NFIA: variants seen among roughly 807,000 people sequenced by gnomAD.
The protein encoded by NFIA is nuclear factor 1 A-type.
Under a neutral mutation model 62.8 loss-of-function variants are expected in NFIA, and 8 were observed. That is an observed-to-expected ratio of 0.13 (90% CI 0.07 to 0.23). The LOEUF (loss-of-function observed/expected upper bound fraction) is 0.23. Ranked by LOEUF, NFIA falls within the 10% of genes least tolerant of loss-of-function variation. NFIA has a pLI of 1.00. For missense variants in NFIA, 410 were observed against 642.1 expected (o/e 0.64, Z 3.91); for synonymous variants, 235 against 238.1 (o/e 0.99, Z 0.12).
At chr1:61,407,114 T>A (rs1371709143) in intron 9 of NFIA, among the ~76,000 whole-genome samples, 1 of 152,172 alleles carries the variant, frequency 6.6e-6, no homozygotes, top group African/African-American at 2.4e-5. Context: ...GAACTTGCAG[T>A]CTAAGAGAAA....
chr1:61,195,040 T>G (rs1292017644), intron 2 of NFIA, among the ~76,000 whole-genome samples: 1 of 143,520 alleles, frequency 7.0e-6, no homozygotes, highest in African/African-American at 2.7e-5. Flanking sequence ...AACCTTTGCT[T>G]CTTTCTCTCA....
At chr1:61,402,468 A>G (rs1665616245) in intron 7 of NFIA, among the ~76,000 whole-genome samples, 1 of 152,174 alleles carries the variant, frequency 6.6e-6, no homozygotes, top group Admixed American at 6.5e-5. Context: ...TCAGTCATTC[A>G]CTGCACATTC....
intron 10 of NFIA, among the ~76,000 whole-genome samples, chr1:61,428,555 T>A (rs941542714): frequency 1.3e-5 from 2 of 152,094 alleles, no homozygotes; most frequent in South Asian, 4.1e-4. Flanking sequence ...AAAAAAGATA[T>A]CTTGAGGTAA....
At chr1:61,163,129 G>A (rs1329235288) in intron 2 of NFIA, among the ~76,000 whole-genome samples, 3 of 151,972 alleles carry the variant, frequency 2.0e-5, no homozygotes, top group South Asian at 2.1e-4. Context: ...ATCCTATACC[G>A]GAATAAAGAC....
chr1:61,238,599 A>G (rs1470002364), intron 2 of NFIA, among the ~76,000 whole-genome samples: 2 of 152,230 alleles, frequency 1.3e-5, no homozygotes, highest in Non-Finnish European at 2.9e-5. Context: ...CATCCTGGCT[A>G]GCTGCAATGC....
At chr1:61,443,821 T>C (rs1667692817) in intron 10 of NFIA, among the ~76,000 whole-genome samples, 1 of 152,162 alleles carries the variant, frequency 6.6e-6, no homozygotes, top group African/African-American at 2.4e-5. Flanking sequence ...TTCTCTGAAC[T>C]CCTTGACCCT....
At chr1:61,330,651 T>C (rs566535936) in intron 3 of NFIA, among the ~76,000 whole-genome samples, 1 of 152,264 alleles carries the variant, frequency 6.6e-6, no homozygotes, top group South Asian at 2.1e-4. Flanking sequence ...TATTGCTTGC[T>C]TTTTTGGTGG....
chr1:61,440,510 A>T (rs762832637), intron 10 of NFIA, among the ~76,000 whole-genome samples: 3 of 152,196 alleles, frequency 2.0e-5, no homozygotes, highest in Non-Finnish European at 2.9e-5. Flanking sequence ...GTGATAACGT[A>T]GAACGTTCTT....
chr1:61,147,423 T>C (rs1034720050), intron 2 of NFIA, among the ~76,000 whole-genome samples: 5 of 152,208 alleles, frequency 3.3e-5, no homozygotes, highest in Admixed American at 1.3e-4. Flanking sequence ...AGTGCTAGGA[T>C]TACAGGTGTG....
intron 9 of NFIA, among the ~76,000 whole-genome samples, chr1:61,422,432 A>G (rs1666665003): frequency 6.6e-6 from 1 of 152,202 alleles, no homozygotes; most frequent in African/African-American, 2.4e-5. Context: ...GAAGGCTATT[A>G]CAAACTCAAA....
chr1:61,178,165 G>A lies in NFIA; in HGVS notation c.559+89485G>A, dbSNP rs75177502. ...CTGAGGTACCTGTGGCATTGACTTA[G>A]AGCTGGTGTTGAGTATTACCCATAA... is the stretch of plus-strand genomic sequence containing the variant. On this transcript the variant is annotated intron_variant, in intron 2 of 10. Transcript: ENST00000403491. Among the ~76,000 whole-genome samples the A allele has an allele frequency of 3.1e-3, 469 of 152,294 alleles. 4 individuals carry two copies. In the South Asian group the frequency reaches 0.033, roughly 11 times the overall value.
intron 2 of NFIA, among the ~76,000 whole-genome samples, chr1:61,131,958 A>C (rs1000239150): frequency 6.6e-6 from 1 of 152,174 alleles, no homozygotes; most frequent in African/African-American, 2.4e-5. Context: ...TCTACAGCTG[A>C]TACTTTGGTG....
chr1:61,309,795 A>G (rs1230213550), intron 3 of NFIA, among the ~76,000 whole-genome samples: 2 of 152,180 alleles, frequency 1.3e-5, no homozygotes, highest in Non-Finnish European at 2.9e-5. Context: ...AGGCTGAGGC[A>G]GGAGAATTGC....
At chr1:61,082,475 C>CCAG, upstream of NFIA, 1 of 1,081,288 alleles carries the variant, frequency 9.2e-7, no homozygotes, top group Non-Finnish European at 1.1e-6. Flanking sequence ...CCGGCCGGGC[C>CCAG]GGCGCGGGAG....
chr1:61,279,469 G>T (rs1201137158), intron 3 of NFIA, among the ~76,000 whole-genome samples: 1 of 148,866 alleles, frequency 6.7e-6, no homozygotes, highest in Non-Finnish European at 1.5e-5. Flanking sequence ...CTTATTTTTT[G>T]TTGACATTTT....
chr1:61,410,990 A>G (rs1000995232), intron 9 of NFIA, among the ~76,000 whole-genome samples: 25 of 152,112 alleles, frequency 1.6e-4, no homozygotes, highest in Non-Finnish European at 3.5e-4. Flanking sequence ...TCTAGACCTC[A>G]ACTCCCTTAT....
At chr1:61,167,028 C>T (rs1178334309) in intron 2 of NFIA, among the ~76,000 whole-genome samples, 1 of 152,168 alleles carries the variant, frequency 6.6e-6, no homozygotes, top group African/African-American at 2.4e-5. Context: ...GTAATCCCAG[C>T]TACTCGGGAG....
chr1:61,462,024 G>GTTTTTTTTTTTTTTTTTTTTTTGTTT lies in NFIA; in HGVS notation c.*6722_*6723insTTTTGTTTTTTTTTTTTTTTTTTTTT, dbSNP rs368139522. 1.4e-5 allele frequency: 1 copy of GTTTTTTTTTTTTTTTTTTTTTTGTTT among 73,206 alleles called. No individual in the cohort carries two copies. Among genetic ancestry groups the GTTTTTTTTTTTTTTTTTTTTTTGTTT allele is most frequent in the African/African-American group, 6.7e-5 (1 of 14,898 alleles). 4.5% of individuals were successfully genotyped at this position (73,206 alleles called of 1,614,324 possible). A position where few individuals can be genotyped will look rare whatever the true frequency, so the allele number is the denominator to read the frequency against. On this transcript the variant is annotated 3_prime_UTR_variant, in exon 11 of 11. Coordinates refer to ENST00000403491, the MANE Select transcript of NFIA (RefSeq NM_001134673.4). ...ATAGTCTGTAAGTTAGCCTTTTTGGGTTTTTTTTTTTTTTTTTTGGCTTTT... is the reference window on the plus strand; with the variant it reads ...ATAGTCTGTAAGTTAGCCTTTTTGGGTTTTTTTTTTTTTTTTTTTTTTGTTTTTTTTTTTTTTTTTTTTTGGCTTTT...
chr1:61,238,803 G>C (rs991511515), intron 2 of NFIA, among the ~76,000 whole-genome samples: 1 of 152,110 alleles, frequency 6.6e-6, no homozygotes, highest in Admixed American at 6.6e-5. Context: ...GTAAACCTTT[G>C]GTGTCTGGGC....
Sources: gnomAD v4.1 joint callset for allele counts (sites outside exome capture counted in the v4.1 genomes callset) on GRCh38, gnomAD v4.1.1 for gene constraint, MANE v1.5 for transcripts, NCBI Gene and HGNC (gene_info 2026-07-23, HGNC 2026-07-21) for gene names.